SH3D19: variants seen among roughly 807,000 people sequenced by gnomAD.
The protein encoded by SH3D19 is SH3 domain-containing protein 19.
In SH3D19, 58 loss-of-function variants were observed where a neutral mutation model predicts 112.1. The observed-to-expected ratio is 0.52, with a 90% CI of 0.42 to 0.64. The LOEUF (loss-of-function observed/expected upper bound fraction) is 0.64. SH3D19 is among the 30% of genes least tolerant of loss of function. The pLI, the probability that SH3D19 is intolerant of heterozygous loss-of-function variation, is 0.00. For missense variants in SH3D19, 1,090 were observed against 1,263.4 expected (o/e 0.86, Z 2.08); for synonymous variants, 391 against 448.5 (o/e 0.87, Z 1.62).
chr4:151,133,267 C>A, intron 15 of SH3D19, 31 bp from the exon 16 acceptor site: 1 of 1,581,718 alleles, frequency 6.3e-7, no homozygotes. Flanking sequence ...GTGGATTAGA[C>A]TAGAGAGTGC....
In SH3D19 at chr4:151,121,772, C is replaced by G. The variant is rs995699824; in HGVS notation, c.*319G>C. 9 of 205,762 alleles carry G rather than the reference C, an allele frequency of 4.4e-5. No individual in the cohort carries two copies. Among genetic ancestry groups the G allele is most frequent in the Non-Finnish European group, 7.7e-5 (8 of 104,266 alleles). The allele number at this position is 205,762 out of a possible 1,614,324, so 12.7% of individuals were successfully genotyped here. A position where few individuals can be genotyped will look rare whatever the true frequency, so the allele number is the denominator to read the frequency against. ...GTTAATTCACTTGTGCTGATTAAAA[C>G]AGATGTCCACGTGCAACTTCTGTGT... On this transcript the variant is annotated 3_prime_UTR_variant, in exon 20 of 20. Coordinates refer to ENST00000604030, the MANE Select transcript of SH3D19 (RefSeq NM_001378122.1).
intron 1 of SH3D19, among the ~76,000 whole-genome samples, chr4:151,266,985 T>C (rs760777402): frequency 6.6e-6 from 1 of 152,108 alleles, no homozygotes; most frequent in Non-Finnish European, 1.5e-5. Flanking sequence ...AGCTAATATT[T>C]AATTTAACAG....
At chr4:151,274,974 A>G (rs1773475308) in intron 1 of SH3D19, among the ~76,000 whole-genome samples, 1 of 152,128 alleles carries the variant, frequency 6.6e-6, no homozygotes, top group Non-Finnish European at 1.5e-5. Flanking sequence ...CATCACTCAT[A>G]TGAGATTAGA....
chr4:151,254,497 C>T (rs995296855), intron 1 of SH3D19, among the ~76,000 whole-genome samples: 7 of 134,198 alleles, frequency 5.2e-5, no homozygotes, highest in African/African-American at 1.8e-4. Flanking sequence ...TCCCTGGGTA[C>T]TTGAGATTAG....
intron 13 of SH3D19, 85 bp from the exon 14 acceptor site, chr4:151,137,947 C>A: frequency 9.0e-7 from 1 of 1,115,282 alleles, no homozygotes; most frequent in Non-Finnish European, 1.2e-6. Flanking sequence ...TAGTTGTGTC[C>A]ACTGAGGCAG....
intron 1 of SH3D19, among the ~76,000 whole-genome samples, chr4:151,287,813 G>A (rs1774959453): frequency 6.6e-6 from 1 of 152,166 alleles, no homozygotes; most frequent in Non-Finnish European, 1.5e-5. Flanking sequence ...CCGGGAGGTC[G>A]AGGCCACAGT....
At position 151,120,575 on chromosome 4, in the gene SH3D19, G is replaced by C. The variant is rs974089997; in HGVS notation, c.*1516C>G. 6.6e-6 allele frequency: 1 copy of C among 152,118 alleles called. No homozygotes were observed. The highest frequency in any genetic ancestry group is 1.5e-5 in the Non-Finnish European group (1 of 68,018). 9.4% of individuals were successfully genotyped at this position (152,118 alleles called of 1,614,324 possible). ...ATTACTTTTGAGTGAAATTTGACAA[G>C]AATTTTCTTTATACTCTCTTCTTTA... On this transcript the variant is annotated 3_prime_UTR_variant, in exon 20 of 20. Transcript: ENST00000604030.
chr4:151,257,991 GCT>G lies in SH3D19; in HGVS notation c.113-31907_113-31906del, dbSNP rs1035581099. 5.4e-4 allele frequency among the ~76,000 whole-genome samples: 82 copies of G among 152,264 alleles called. 1 individual carries two copies. The highest frequency in any genetic ancestry group is 2.0e-3 in the African/African-American group (81 of 41,528). On this transcript the variant is annotated intron_variant, in intron 1 of 19. Coordinates refer to ENST00000604030, the MANE Select transcript of SH3D19 (RefSeq NM_001378122.1). Reference sequence around the variant, plus strand: ...AATAGTCTGTGCCACACATACAAATGCTCTGTCAATAGTCCCATGTCACAGTC... The same window carrying G: ...AATAGTCTGTGCCACACATACAAATGCTGTCAATAGTCCCATGTCACAGTC...
chr4:151,325,372 G>A lies in SH3D19; in HGVS notation c.-20C>T. On this transcript the variant is annotated 5_prime_UTR_variant, in exon 1 of 20. Coordinates refer to ENST00000604030, the MANE Select transcript of SH3D19 (RefSeq NM_001378122.1). ...AGCCATGGGCGAGGCGCGGGGCGCA[G>A]CCGCGGGATGGCCAGCGAGCTGCGG... is the stretch of plus-strand genomic sequence containing the variant. 4 of 1,169,576 alleles carry A rather than the reference G, an allele frequency of 3.4e-6. No homozygotes were observed. The highest frequency in any genetic ancestry group is 1.1e-6 in the Non-Finnish European group (1 of 938,980). The allele number at this position is 1,169,576 out of a possible 1,614,324, so 72.4% of individuals were successfully genotyped here.
At chr4:151,216,877 C>CTGTGTGTGTGTGTGTGTG (rs34575245) in intron 2 of SH3D19, among the ~76,000 whole-genome samples, 16 of 140,764 alleles carry the variant, frequency 1.1e-4, no homozygotes, top group Admixed American at 2.9e-4. Flanking sequence ...CAAAACAACA[C>CTGTGTGTGTGTGTGTGTG]TGTGTGTGTG....
At chr4:151,158,799 T>C (rs1164352375) in intron 9 of SH3D19, among the ~76,000 whole-genome samples, 3 of 152,064 alleles carry the variant, frequency 2.0e-5, no homozygotes, top group Non-Finnish European at 2.9e-5. Context: ...TAAAACACTA[T>C]TTTTTAAATA....
intron 1 of SH3D19, among the ~76,000 whole-genome samples, chr4:151,317,812 A>G (rs1730137496): frequency 6.6e-6 from 1 of 151,954 alleles, no homozygotes; most frequent in Non-Finnish European, 1.5e-5. Flanking sequence ...TGTCTCTACT[A>G]ACAATACAAA....
At chr4:151,212,918 A>G (rs1766202607) in intron 2 of SH3D19, among the ~76,000 whole-genome samples, 1 of 152,230 alleles carries the variant, frequency 6.6e-6, no homozygotes, top group African/African-American at 2.4e-5. Flanking sequence ...ACGTAACAAC[A>G]TTAACAGGAG....
intron 19 of SH3D19, among the ~76,000 whole-genome samples, chr4:151,126,981 C>T (rs1749536895): frequency 6.6e-6 from 1 of 150,864 alleles, no homozygotes; most frequent in Non-Finnish European, 1.5e-5. Context: ...GCAATCTCGG[C>T]TCACTGCAAG....
intron 8 of SH3D19, among the ~76,000 whole-genome samples, chr4:151,161,584 A>G (rs1467810829): frequency 6.6e-6 from 1 of 151,070 alleles, no homozygotes; most frequent in African/African-American, 2.4e-5. Context: ...CATTTAAAGC[A>G]GAAAGTCCTC....
At chr4:151,209,757 T>C (rs962555846) in intron 2 of SH3D19, among the ~76,000 whole-genome samples, 1 of 152,168 alleles carries the variant, frequency 6.6e-6, no homozygotes, top group Non-Finnish European at 1.5e-5. Context: ...TGTCTATGCC[T>C]TGAATCCAAG....
intron 1 of SH3D19, among the ~76,000 whole-genome samples, chr4:151,309,387 T>C: frequency 6.6e-6 from 1 of 152,004 alleles, no homozygotes; most frequent in East Asian, 1.9e-4. Context: ...ATAAAATTCA[T>C]GGCGGGACTA....
chr4:151,280,033 A>G (rs1265734754), intron 1 of SH3D19: 1 of 863,260 alleles, frequency 1.2e-6, no homozygotes, highest in South Asian at 2.1e-5. Context: ...ATGAACCAAA[A>G]GACAAATGAA....
At chr4:151,150,923 T>C (rs1754940096) in intron 9 of SH3D19, among the ~76,000 whole-genome samples, 2 of 151,838 alleles carry the variant, frequency 1.3e-5, no homozygotes, top group Admixed American at 6.6e-5. Flanking sequence ...CCAAAATTTC[T>C]GTTTTTTGGA....
Sources: allele counts gnomAD v4.1 joint callset (sites outside exome capture counted in the v4.1 genomes callset), GRCh38; gene constraint gnomAD v4.1.1; transcripts MANE v1.5; gene names NCBI Gene and HGNC (gene_info 2026-07-23, HGNC 2026-07-21).